The following CNTNAP5 variants were observed in gnomAD, a reference collection of about 807,000 sequenced individuals.
CNTNAP5 encodes the protein contactin associated protein family member 5.
A neutral mutation model predicts 150.2 loss-of-function variants in CNTNAP5; 72 were observed. The observed-to-expected ratio is 0.48, with a 90% CI of 0.40 to 0.58. The LOEUF (loss-of-function observed/expected upper bound fraction) is 0.58, where lower values mean the gene tolerates loss of function less well. Ranked by LOEUF, CNTNAP5 falls within the 20% of genes least tolerant of loss-of-function variation. The pLI is 0.00. For missense variants in CNTNAP5, 1,636 were observed against 1,626.2 expected, an observed-to-expected ratio of 1.01 and a Z score of -0.10; for synonymous variants, 672 against 619.8, an observed-to-expected ratio of 1.08 and a Z score of -1.25.
chr2:124,829,081 C>T (rs1490853601), intron 19 of CNTNAP5, among the ~76,000 whole-genome samples: 1 of 152,172 alleles, frequency 6.6e-6, no homozygotes, highest in East Asian at 1.9e-4. Context: ...AAGGCAAGGG[C>T]TAGGGTCATT....
chr2:124,677,651 G>T (rs537005743), intron 13 of CNTNAP5, among the ~76,000 whole-genome samples: 2 of 151,850 alleles, frequency 1.3e-5, no homozygotes, highest in East Asian at 3.9e-4. Flanking sequence ...AGTGCTGATT[G>T]GTGCGTTTTT....
chr2:124,071,662 G>T (rs1682307896), intron 1 of CNTNAP5, among the ~76,000 whole-genome samples: 1 of 151,628 alleles, frequency 6.6e-6, no homozygotes, highest in African/African-American at 2.4e-5. Context: ...GAACCATGAA[G>T]GAATCCAAAA....
At position 124,607,863 on chromosome 2, in the gene CNTNAP5, GCATTAT is replaced by G. The variant is rs533158932; in HGVS notation, c.1757-1935_1757-1930del. On this transcript the variant is annotated intron_variant, in intron 11 of 23. Transcript: ENST00000682447. The stretch of plus-strand genomic sequence containing the variant: ...TCACCTTTGTGACAAACACCCAAGG[GCATTAT>G]CAGGTTTAGGCAAACAAAAATAATC... Among the ~76,000 whole-genome samples, 31 of 152,244 alleles carry G rather than the reference GCATTAT, an allele frequency of 2.0e-4. No individual in the cohort carries two copies. In the South Asian group the frequency reaches 3.1e-3, roughly 15 times the overall value.
chr2:124,350,086 T>C (rs1039663134), intron 3 of CNTNAP5, among the ~76,000 whole-genome samples: 1 of 151,874 alleles, frequency 6.6e-6, no homozygotes, highest in African/African-American at 2.4e-5. Flanking sequence ...TTTTCACCAT[T>C]TTGACCAGGA....
At chr2:124,307,875 C>T (rs1688730254) in intron 3 of CNTNAP5, among the ~76,000 whole-genome samples, 1 of 152,176 alleles carries the variant, frequency 6.6e-6, no homozygotes, top group Admixed American at 6.5e-5. Context: ...TGGCTGGCAG[C>T]TGATTAGAAA....
At chr2:124,379,409 T>C (rs901148116) in intron 3 of CNTNAP5, among the ~76,000 whole-genome samples, 1 of 152,142 alleles carries the variant, frequency 6.6e-6, no homozygotes, top group Non-Finnish European at 1.5e-5. Flanking sequence ...TCATACAATA[T>C]GTATCCCATT....
At chr2:124,371,623 C>T (rs1690529074) in intron 3 of CNTNAP5, among the ~76,000 whole-genome samples, 2 of 152,102 alleles carry the variant, frequency 1.3e-5, no homozygotes, top group South Asian at 4.1e-4. Context: ...TTTGGGGACT[C>T]TTGCAACTGA....
intron 13 of CNTNAP5, among the ~76,000 whole-genome samples, chr2:124,725,833 C>A (rs572785812): frequency 2.6e-5 from 4 of 151,912 alleles, no homozygotes; most frequent in African/African-American, 4.8e-5. Context: ...CTGTGTTTGG[C>A]TTTTTTCACT....
chr2:124,265,253 A>G (rs535625005), intron 3 of CNTNAP5, among the ~76,000 whole-genome samples: 8 of 152,148 alleles, frequency 5.3e-5, no homozygotes, highest in Non-Finnish European at 8.8e-5. Context: ...CGAGAACTGT[A>G]TCTTTTCCAG....
chr2:124,904,914 C>A (rs1361419328), intron 22 of CNTNAP5, among the ~76,000 whole-genome samples: 6 of 150,456 alleles, frequency 4.0e-5, no homozygotes, highest in Non-Finnish European at 8.9e-5. Flanking sequence ...CTCTGTACAG[C>A]AAAGGACACA....
chr2:124,740,051 C>T (rs575224316), intron 13 of CNTNAP5, among the ~76,000 whole-genome samples: 88 of 150,970 alleles, frequency 5.8e-4, no homozygotes, highest in African/African-American at 2.0e-3. Context: ...ATGCAATTCA[C>T]ATCATTACAT....
intron 12 of CNTNAP5, among the ~76,000 whole-genome samples, chr2:124,629,543 C>T (rs1437295525): frequency 6.6e-6 from 1 of 152,122 alleles, no homozygotes; most frequent in African/African-American, 2.4e-5. Flanking sequence ...ATCAGAATCT[C>T]TGGGACACAG....
rs1290578359 is a variant in CNTNAP5 at position 124,114,325 on chromosome 2, A to G, written c.82+88593A>G. Among the ~76,000 whole-genome samples, 5 of 152,010 alleles carry G rather than the reference A, an allele frequency of 3.3e-5. No individual in the cohort carries two copies. In the South Asian group the frequency reaches 1.0e-3, roughly 31 times the overall value. On this transcript the variant is annotated intron_variant, in intron 1 of 23. Transcript: ENST00000682447. The stretch of plus-strand genomic sequence containing the variant: ...TCAATGATGTTTTAAAATTTTCTAA[A>G]TACAAGGCTGTGCTTCTCTAGTTAC...
At chr2:124,308,112 G>C (rs1183862842) in intron 3 of CNTNAP5, among the ~76,000 whole-genome samples, 2 of 152,172 alleles carry the variant, frequency 1.3e-5, no homozygotes, top group African/African-American at 4.8e-5. Flanking sequence ...CAAGCAAAGT[G>C]AATTTCAAGG....
intron 3 of CNTNAP5, among the ~76,000 whole-genome samples, chr2:124,416,376 T>G (rs1691917817): frequency 6.6e-6 from 1 of 151,016 alleles, no homozygotes; most frequent in African/African-American, 2.4e-5. Context: ...TTTTTTCTGA[T>G]GAGTAGTTCG....
chr2:124,839,420 A>G (rs1363797718), intron 19 of CNTNAP5, among the ~76,000 whole-genome samples: 1 of 146,814 alleles, frequency 6.8e-6, no homozygotes, highest in Non-Finnish European at 1.5e-5. Flanking sequence ...GTCAAAAATG[A>G]CACACACTCT....
intron 1 of CNTNAP5, among the ~76,000 whole-genome samples, chr2:124,070,037 G>A (rs1682261492): frequency 6.6e-6 from 1 of 152,088 alleles, no homozygotes; most frequent in Admixed American, 6.5e-5. Flanking sequence ...AAGTTAAAAA[G>A]TGGGTGGGTA....
At chr2:124,680,108 A>G (rs1679032068) in intron 13 of CNTNAP5, among the ~76,000 whole-genome samples, 1 of 151,806 alleles carries the variant, frequency 6.6e-6, no homozygotes, top group Admixed American at 6.7e-5. Context: ...TACCACTTCT[A>G]GTCAGATTCC....
intron 10 of CNTNAP5, among the ~76,000 whole-genome samples, chr2:124,547,594 C>A (rs1160024537): frequency 6.6e-6 from 1 of 152,200 alleles, no homozygotes; most frequent in Non-Finnish European, 1.5e-5. Flanking sequence ...TGCTCGTATT[C>A]ATCTCCCATG....
Sources: gnomAD v4.1 joint callset for allele counts (sites outside exome capture counted in the v4.1 genomes callset) on GRCh38, gnomAD v4.1.1 for gene constraint, MANE v1.5 for transcripts, NCBI Gene and HGNC (gene_info 2026-07-23, HGNC 2026-07-21) for gene names.